VWF: variants seen among roughly 807,000 people sequenced by gnomAD.
The protein encoded by VWF is von Willebrand factor, also known as Factor VIII related antigen.
Under a neutral mutation model 308.6 loss-of-function variants are expected in VWF, and 176 were observed. That is an observed-to-expected ratio of 0.57 (90% CI 0.50 to 0.65). VWF has a LOEUF of 0.65. Among genes scored for constraint, VWF ranks in the 30% least tolerant of loss-of-function variants. The probability of loss-of-function intolerance (pLI) is 0.00; values close to 1 mark genes in which losing one functional copy is unlikely to be tolerated. For missense variants in VWF, 3,146 were observed against 3,648.2 expected, an observed-to-expected ratio of 0.86 and a Z score of 3.55; for synonymous variants, 1,385 against 1,443.4, an observed-to-expected ratio of 0.96 and a Z score of 0.92.
At chr12:5,994,280 A>G in intron 36 of VWF, 77 bp from the exon 37 acceptor site, 1 of 1,596,930 alleles carries the variant, frequency 6.3e-7, no homozygotes, top group East Asian at 2.2e-5. Context: ...GAGACAGGCC[A>G]TTCTTGATCC....
At chr12:5,950,926 TCAGAGTGCTTCCTCGA>T (rs1426722656) in intron 50 of VWF, among the ~76,000 whole-genome samples, 4 of 152,210 alleles carry the variant, frequency 2.6e-5, no homozygotes, top group Non-Finnish European at 5.9e-5. Context: ...AGACATGCTT[TCAGAGTGCTTCCTCGA>T]TCTGAGATTT....
At chr12:6,008,015 A>C (rs1250024954) in intron 34 of VWF, among the ~76,000 whole-genome samples, 1 of 152,226 alleles carries the variant, frequency 6.6e-6, no homozygotes, top group Non-Finnish European at 1.5e-5. Context: ...AAATCTGAAC[A>C]GCCCCATCAT....
At chr12:6,012,418 C>T (rs1944007498) in intron 32 of VWF, among the ~76,000 whole-genome samples, 1 of 152,174 alleles carries the variant, frequency 6.6e-6, no homozygotes, top group South Asian at 2.1e-4. Flanking sequence ...ATGTAGATCA[C>T]GCCAGGGATG....
Position 6,019,363 on chromosome 12 carries a change from C to A in VWF, c.4055G>T (p.Ser1352Ile). The stretch of plus-strand genomic sequence containing the variant: ...GACCTCGCTGGTGGAGGCCACCTGG[C>A]TGCCCGCATACTTCACCTGGCTGGC... ...RIASQVKYAG[S>I]QVASTSEVLK... The change falls in exon 28 of 52, where the codon AGC becomes ATC. Residue 1352 changes from serine (S) to isoleucine (I), a missense_variant. Ser to Ile is a moderately radical substitution (Grantham distance 142, BLOSUM62 -2). Coordinates refer to ENST00000261405, the MANE Select transcript of VWF (RefSeq NM_000552.5). This position sits in a 1 kb window ranked among gnomAD's most constrained non-coding sequence, Gnocchi z 5.8. The A allele has an allele frequency of 6.2e-7, 1 of 1,613,952 alleles. No homozygotes were observed. The highest frequency in any genetic ancestry group is 8.5e-7 in the Non-Finnish European group (1 of 1,179,870).
Position 6,075,372 on chromosome 12 carries a change from T to C in VWF, c.837A>G (p.Gly279=), listed in dbSNP as rs1944830622. The C allele has an allele frequency of 6.2e-7, 1 of 1,613,636 alleles. No individual in the cohort carries two copies. Among genetic ancestry groups the C allele is most frequent in the African/African-American group, 1.3e-5 (1 of 74,812 alleles). Reference sequence around the variant, plus strand: ...GGTCGGTCCAGCCGTACAGCACCATTCCCTCCTGGGCACAGGTCCGGGCGT... The same window carrying C: ...GGTCGGTCCAGCCGTACAGCACCATCCCCTCCTGGGCACAGGTCCGGGCGT... The part of the protein sequence containing the change: ...LEYARTCAQE[G]MVLYGWTDHS... Residue 279 remains glycine, a synonymous_variant, in exon 7 of 52, where the codon GGA becomes GGG. Transcript: ENST00000261405. The surrounding 1 kb of genome is among the most constrained non-coding windows in gnomAD (Gnocchi z 4.7).
At chr12:5,994,966 G>A (rs889222914) in intron 35 of VWF, among the ~76,000 whole-genome samples, 1 of 152,116 alleles carries the variant, frequency 6.6e-6, no homozygotes, top group African/African-American at 2.4e-5. Flanking sequence ...TCAGAGCAGT[G>A]TCTCCAAGAG....
At chr12:5,968,077 C>T in intron 46 of VWF, 50 bp downstream of exon 46, 1 of 1,612,474 alleles carries the variant, frequency 6.2e-7, no homozygotes, top group Non-Finnish European at 8.5e-7. Context: ...CCCACAGTAC[C>T]CCCTTCCCTG....
At chr12:6,049,644 A>G (rs1254130862) in intron 16 of VWF, among the ~76,000 whole-genome samples, 6 of 152,216 alleles carry the variant, frequency 3.9e-5, no homozygotes, top group African/African-American at 1.2e-4. Flanking sequence ...TAGGAAAGTG[A>G]TAGTCTCTCT....
rs1240588838 is a variant in VWF, at chr12:6,062,930, C to A, written c.1533+24G>T. On this transcript the variant is annotated intron_variant, in intron 13 of 51. Transcript: ENST00000261405. ...TTTGTAAGGGTCGGGCCGCAGGGAG[C>A]CAGTACCCCGTGAGGGCACCTACCT... 3.8e-6 allele frequency: 6 copies of A among 1,599,108 alleles called. No homozygotes were observed. In the South Asian group the frequency reaches 6.7e-5, roughly 18 times the overall value.
chr12:6,029,564 C>A (rs1478936196), intron 21 of VWF, 76 bp from the exon 22 acceptor site: 16 of 1,583,504 alleles, frequency 1.0e-5, no homozygotes, highest in African/African-American at 9.4e-5. Flanking sequence ...CCACTCTACA[C>A]CTGCCCATCT....
rs536484748 is a variant in VWF, at chr12:6,019,217, C to T, written c.4201G>A (p.Val1401Ile). Residue 1401 changes from valine (V) to isoleucine (I), a missense_variant, in exon 28 of 52, where the codon GTC becomes ATC. Physicochemically the swap from Val to Ile is conservative, Grantham distance 29. This residue lies in a region of VWF where 853 missense variants were observed against 1,177.8 expected (regional missense o/e 0.72). Transcript: ENST00000261405. The surrounding 1 kb of genome is among the most constrained non-coding windows in gnomAD (Gnocchi z 5.8). ...QRMSRNFVRY[V>I]QGLKKKKVIV... Reference sequence around the variant, plus strand: ...ACCTTCTTCTTCTTCAGGCCCTGGACGTAGCGGACAAAGTTCCGGGACATC... The same window carrying T: ...ACCTTCTTCTTCTTCAGGCCCTGGATGTAGCGGACAAAGTTCCGGGACATC... The T allele has an allele frequency of 1.2e-4, 192 of 1,613,918 alleles. No individual in the cohort carries two copies. In the East Asian group the frequency reaches 2.6e-3, roughly 22 times the overall value.
At chr12:5,980,204 TAGGTAGGTAGGG>T (rs1158946943) in intron 42 of VWF, among the ~76,000 whole-genome samples, 2 of 16,404 alleles carry the variant, frequency 1.2e-4, no homozygotes, top group African/African-American at 2.2e-4. Context: ...GGAAGTGACG[TAGGTAGGTAGGG>T]AGGGAGGGAG....
At chr12:6,098,760 C>T (rs1229831918) in intron 5 of VWF, among the ~76,000 whole-genome samples, 1 of 151,068 alleles carries the variant, frequency 6.6e-6, no homozygotes, top group Non-Finnish European at 1.5e-5. Context: ...GCATGGGCAA[C>T]AGAGACACCA....
intron 6 of VWF, among the ~76,000 whole-genome samples, chr12:6,087,313 G>A (rs1416609046): frequency 8.6e-5 from 13 of 151,770 alleles, no homozygotes; most frequent in Non-Finnish European, 1.9e-4. Flanking sequence ...TCTGCAAGAT[G>A]GCTGGGAAGC....
Position 6,058,977 on chromosome 12 carries a change from T to C in VWF, c.1534-933A>G, listed in dbSNP as rs1311444640. 2.0e-5 allele frequency among the ~76,000 whole-genome samples: 3 copies of C among 152,164 alleles called. No individual in the cohort carries two copies. The highest frequency in any genetic ancestry group is 4.4e-5 in the Non-Finnish European group (3 of 68,028). On this transcript the variant is annotated intron_variant, in intron 13 of 51. Coordinates refer to ENST00000261405, the MANE Select transcript of VWF (RefSeq NM_000552.5). The surrounding 1 kb of genome is among the most constrained non-coding windows in gnomAD (Gnocchi z 4.9). ...CCCTCTCCGCATGTCATTACCAAGG[T>C]GGGATGACCTCCCTGCGTTCTGAAT...
intron 2 of VWF, chr12:6,122,705 T>C (rs1484801738): frequency 1.9e-6 from 1 of 518,030 alleles, no homozygotes; most frequent in Non-Finnish European, 3.8e-6. Flanking sequence ...GGTGTTGGCC[T>C]GGAACCCAGG....
At chr12:6,067,905 A>G (rs1944734619) in intron 10 of VWF, among the ~76,000 whole-genome samples, 1 of 152,150 alleles carries the variant, frequency 6.6e-6, no homozygotes, top group African/African-American at 2.4e-5. Flanking sequence ...AGGCTGAGAC[A>G]GGCGGAGCAC....
chr12:6,067,625 G>A (rs754281956), intron 10 of VWF, among the ~76,000 whole-genome samples: 16 of 152,148 alleles, frequency 1.1e-4, no homozygotes, highest in African/African-American at 1.9e-4. Context: ...CCAGGTAGCC[G>A]TTAGCCACGG....
At chr12:5,972,463 C>T (rs1234777767) in intron 43 of VWF, among the ~76,000 whole-genome samples, 4 of 152,220 alleles carry the variant, frequency 2.6e-5, no homozygotes, top group Non-Finnish European at 4.4e-5. Flanking sequence ...CCCAGGACTA[C>T]GTTCCATCTT....
Sources: allele counts gnomAD v4.1 joint callset (sites outside exome capture counted in the v4.1 genomes callset), GRCh38; gene constraint gnomAD v4.1.1; regional missense constraint gnomAD v4.1.1; non-coding constraint Gnocchi (gnomAD v3.1); transcripts MANE v1.5; gene names NCBI Gene and HGNC (gene_info 2026-07-23, HGNC 2026-07-21).